The following CADM1 variants were observed in gnomAD, a reference collection of about 807,000 sequenced individuals.
The protein encoded by CADM1 is TSLC-1.
A neutral mutation model predicts 53.1 loss-of-function variants in CADM1; 15 were observed. The observed-to-expected ratio is 0.28, with a 90% CI of 0.19 to 0.44. The LOEUF is 0.44. Ranked by LOEUF, CADM1 falls within the 20% of genes least tolerant of loss-of-function variation. CADM1 has a pLI of 1.00. For missense variants in CADM1, 434 were observed against 611.3 expected, an observed-to-expected ratio of 0.71 and a Z score of 3.06; for synonymous variants, 281 against 243.0, an observed-to-expected ratio of 1.16 and a Z score of -1.45.
At chr11:115,437,103 A>G (rs777910523) in intron 1 of CADM1, among the ~76,000 whole-genome samples, 7 of 152,220 alleles carry the variant, frequency 4.6e-5, no homozygotes, top group Non-Finnish European at 8.8e-5. Context: ...AAAATCCAGC[A>G]GAGTAATAAG....
intron 1 of CADM1, among the ~76,000 whole-genome samples, chr11:115,281,776 T>C (rs1388932902): frequency 6.6e-6 from 1 of 152,156 alleles, no homozygotes; most frequent in East Asian, 1.9e-4. Flanking sequence ...GCTTAGTTCC[T>C]AATAAATAAA....
intron 1 of CADM1, among the ~76,000 whole-genome samples, chr11:115,436,566 A>G (rs544806832): frequency 3.3e-5 from 5 of 152,190 alleles, no homozygotes; most frequent in African/African-American, 4.8e-5. Flanking sequence ...ACAACAAAAT[A>G]TGTGGTTTAC....
intron 1 of CADM1, among the ~76,000 whole-genome samples, chr11:115,413,679 C>T (rs1413294556): frequency 8.1e-6 from 1 of 123,308 alleles, no homozygotes; most frequent in African/African-American, 2.9e-5. Flanking sequence ...GAGTCTTGCT[C>T]TGTCGCCCAG....
intron 1 of CADM1, among the ~76,000 whole-genome samples, chr11:115,480,963 T>A (rs185748012): frequency 1.3e-5 from 2 of 152,218 alleles, no homozygotes; most frequent in African/African-American, 4.8e-5. Flanking sequence ...TCATGGCCCT[T>A]GATGGTCAGT....
At chr11:115,494,184 T>C (rs1214509968) in intron 1 of CADM1, among the ~76,000 whole-genome samples, 1 of 152,160 alleles carries the variant, frequency 6.6e-6, no homozygotes, top group Non-Finnish European at 1.5e-5. Flanking sequence ...TTGATGGATC[T>C]AGGTAAAGTA....
rs573389616 is a variant in CADM1, at chr11:115,173,599, A to G, written c.*2875T>C. 11 of 237,892 alleles carry G rather than the reference A, an allele frequency of 4.6e-5. No individual in the cohort carries two copies. In the South Asian group the frequency reaches 1.7e-3, roughly 37 times the overall value. The allele number at this position is 237,892 out of a possible 1,614,324, so 14.7% of individuals were successfully genotyped here. On this transcript the variant is annotated 3_prime_UTR_variant, in exon 12 of 12. Coordinates refer to ENST00000331581, the MANE Select transcript of CADM1 (RefSeq NM_001301043.2). ...TCTTCTCTCACTCGGAGGCGTCCAT[A>G]AGAAGTCCATAAAGAGATTAAAGGA...
intron 1 of CADM1, among the ~76,000 whole-genome samples, chr11:115,273,052 A>C (rs1342613784): frequency 1.3e-5 from 2 of 152,204 alleles, no homozygotes; most frequent in African/African-American, 4.8e-5. Context: ...AGATAAACCT[A>C]CTACAACAGC....
chr11:115,440,003 A>C (rs1948273732), intron 1 of CADM1, among the ~76,000 whole-genome samples: 1 of 152,210 alleles, frequency 6.6e-6, no homozygotes, highest in African/African-American at 2.4e-5. Flanking sequence ...TACAGCAAAC[A>C]TTTATCCAGG....
chr11:115,235,139 A>G (rs1036309263), intron 3 of CADM1, among the ~76,000 whole-genome samples: 2 of 151,520 alleles, frequency 1.3e-5, no homozygotes, highest in Admixed American at 6.6e-5. Context: ...ATAATAGTTT[A>G]TTGATATGTT....
chr11:115,382,059 G>T (rs1946592932), intron 1 of CADM1, among the ~76,000 whole-genome samples: 1 of 152,118 alleles, frequency 6.6e-6, no homozygotes, highest in Admixed American at 6.5e-5. Flanking sequence ...TGGCCAGGCT[G>T]GTCTCAAACT....
chr11:115,363,213 T>C (rs1946075168), intron 1 of CADM1, among the ~76,000 whole-genome samples: 1 of 152,180 alleles, frequency 6.6e-6, no homozygotes, highest in Non-Finnish European at 1.5e-5. Context: ...GTGGCATAGC[T>C]AGTGCCAAAA....
intron 1 of CADM1, among the ~76,000 whole-genome samples, chr11:115,425,217 G>A (rs971331792): frequency 1.6e-4 from 24 of 152,280 alleles, no homozygotes; most frequent in Admixed American, 1.3e-3. Flanking sequence ...TTATTAATAA[G>A]TCTTTGATAA....
intron 3 of CADM1, among the ~76,000 whole-genome samples, chr11:115,234,437 T>C (rs1246540433): frequency 2.0e-5 from 3 of 152,204 alleles, no homozygotes; most frequent in African/African-American, 7.2e-5. Flanking sequence ...GGATTATTTG[T>C]TGTTTGGCAT....
intron 1 of CADM1, among the ~76,000 whole-genome samples, chr11:115,432,570 T>C (rs1004883664): frequency 6.6e-6 from 1 of 152,166 alleles, no homozygotes; most frequent in Non-Finnish European, 1.5e-5. Flanking sequence ...ATAAACAGAA[T>C]TTTTTAAAAT....
intron 2 of CADM1, among the ~76,000 whole-genome samples, 199 bp downstream of exon 2, chr11:115,240,075 C>G (rs1446170220): frequency 6.6e-6 from 1 of 152,104 alleles, no homozygotes; most frequent in Non-Finnish European, 1.5e-5. Flanking sequence ...GTAAGACTGC[C>G]TTACTTTTAA....
intron 1 of CADM1, among the ~76,000 whole-genome samples, chr11:115,501,682 C>T (rs1949729487): frequency 6.6e-6 from 1 of 152,142 alleles, no homozygotes; most frequent in Non-Finnish European, 1.5e-5. Context: ...GACCCACGCA[C>T]GATGGTCCTA....
chr11:115,390,962 T>A (rs953287003), intron 1 of CADM1, among the ~76,000 whole-genome samples: 1 of 152,208 alleles, frequency 6.6e-6, no homozygotes, highest in Non-Finnish European at 1.5e-5. Context: ...GGCACATTCA[T>A]AAGAATACAC....
intron 1 of CADM1, among the ~76,000 whole-genome samples, chr11:115,451,570 A>C (rs1219278570): frequency 6.6e-6 from 1 of 152,228 alleles, no homozygotes; most frequent in African/African-American, 2.4e-5. Context: ...ACATTATTAA[A>C]GTAGCAGCAG....
intron 1 of CADM1, among the ~76,000 whole-genome samples, chr11:115,398,421 A>G (rs1050197010): frequency 6.6e-6 from 1 of 152,182 alleles, no homozygotes; most frequent in Non-Finnish European, 1.5e-5. Context: ...TAAAATGGCC[A>G]TGCCTGAATC....
Sources: gnomAD v4.1 joint callset for allele counts (sites outside exome capture counted in the v4.1 genomes callset) on GRCh38, gnomAD v4.1.1 for gene constraint, MANE v1.5 for transcripts, NCBI Gene and HGNC (gene_info 2026-07-23, HGNC 2026-07-21) for gene names.